Variants in RAB40C observed in about 807,000 individuals in gnomAD.
RAB40C encodes the protein ras-related protein Rab-40C.
RAB40C carries 8 observed loss-of-function variants against 28.1 expected under a neutral mutation model. The ratio of observed to expected loss-of-function variants is 0.28; its 90% CI spans 0.17 to 0.51. The LOEUF (loss-of-function observed/expected upper bound fraction) is 0.51. RAB40C is among the 20% of genes least tolerant of loss of function. The pLI is 0.97. For synonymous variants in RAB40C, 201 were observed against 171.7 expected (o/e 1.17, Z -1.34); for missense variants, 288 against 405.9 (o/e 0.71, Z 2.50).
chr16:625,332 G>T, intron 3 of RAB40C, 100 bp from the exon 4 acceptor site: 1 of 1,533,902 alleles, frequency 6.5e-7, no homozygotes. Flanking sequence ...AGCATCCTTG[G>T]CCCTGCCCGG....
intron 3 of RAB40C, chr16:624,349 T>C: frequency 1.0e-6 from 1 of 985,452 alleles, no homozygotes; most frequent in Non-Finnish European, 1.2e-6. Context: ...TGTGCATTTG[T>C]TTATTCTGAA....
chr16:607,356 A>G (rs1048017888), intron 1 of RAB40C, among the ~76,000 whole-genome samples: 1 of 151,836 alleles, frequency 6.6e-6, no homozygotes, highest in African/African-American at 2.4e-5. Flanking sequence ...AAAAAAAATT[A>G]GTTGGGCATG....
intron 1 of RAB40C, among the ~76,000 whole-genome samples, chr16:606,079 ACT>A (rs771041462): frequency 6.6e-6 from 1 of 151,824 alleles, no homozygotes; most frequent in Non-Finnish European, 1.5e-5. Flanking sequence ...TGGCCTTTCT[ACT>A]CCTTTTCTGT....
rs1351651506 is a variant in RAB40C at position 626,428 on chromosome 16, C to T, written c.565+307C>T. Among the ~76,000 whole-genome samples, 3 of 152,186 alleles carry T rather than the reference C, an allele frequency of 2.0e-5. No individual in the cohort carries two copies. The East Asian group carries it at 5.8e-4, about 29-fold the overall frequency. On this transcript the variant is annotated intron_variant, in intron 5 of 5. Transcript: ENST00000248139. ...GTGGGCAGTGTGTGCTCGCTCCTTC[C>T]TGGTTCCGGGGCTGGTCCTGCTGTC... is the stretch of plus-strand genomic sequence containing the variant.
intron 1 of RAB40C, among the ~76,000 whole-genome samples, chr16:598,117 C>T (rs2036172097): frequency 2.0e-5 from 3 of 151,882 alleles, no homozygotes; most frequent in African/African-American, 7.3e-5. Context: ...TGGTGGCTCA[C>T]GCTTGTAATC....
chr16:609,175 C>T (rs747330506), intron 1 of RAB40C, among the ~76,000 whole-genome samples: 5 of 152,088 alleles, frequency 3.3e-5, no homozygotes, highest in African/African-American at 7.2e-5. Flanking sequence ...TTGGGAACAG[C>T]GGTGCTGCCA....
At chr16:623,824 C>A in intron 3 of RAB40C, 3 of 374,458 alleles carry the variant, frequency 8.0e-6, no homozygotes, top group Non-Finnish European at 1.1e-5. Flanking sequence ...GTGGTTCACA[C>A]CTGTATTCCC....
chr16:627,106 G>A (rs1447228233), intron 5 of RAB40C, among the ~76,000 whole-genome samples: 3 of 152,222 alleles, frequency 2.0e-5, no homozygotes, highest in Non-Finnish European at 4.4e-5. Context: ...TGGAAGCCCC[G>A]CAGCAGCACC....
At chr16:615,202 A>T (rs568543939) in intron 1 of RAB40C, among the ~76,000 whole-genome samples, 1 of 152,162 alleles carries the variant, frequency 6.6e-6, no homozygotes, top group Non-Finnish European at 1.5e-5. Flanking sequence ...CTGTCCATTG[A>T]TGGTGTCCTT....
chr16:601,815 TAAAAAAAAAAAAAAAAA>T (rs60094426), intron 1 of RAB40C, among the ~76,000 whole-genome samples: 4 of 27,198 alleles, frequency 1.5e-4, no homozygotes, highest in African/African-American at 3.9e-4. Context: ...CAAAAAAAAG[TAAAAAAAAAAAAAAAAA>T]AAAAAAAAAA....
chr16:600,798 C>T (rs2036233308), intron 1 of RAB40C, among the ~76,000 whole-genome samples: 1 of 152,216 alleles, frequency 6.6e-6, no homozygotes, highest in South Asian at 2.1e-4. Flanking sequence ...GTCACACAGA[C>T]AGTTTAACAC....
At chr16:603,421 C>T (rs991225083) in intron 1 of RAB40C, among the ~76,000 whole-genome samples, 4 of 149,988 alleles carry the variant, frequency 2.7e-5, no homozygotes, top group African/African-American at 9.7e-5. Flanking sequence ...AGTGGTATGC[C>T]GGAAGATTGA....
intron 5 of RAB40C, among the ~76,000 whole-genome samples, chr16:626,613 A>T (rs2036841440): frequency 6.6e-6 from 1 of 152,032 alleles, no homozygotes; most frequent in Non-Finnish European, 1.5e-5. Context: ...GAACAGAGAG[A>T]GGGTGGCTGA....
intron 1 of RAB40C, among the ~76,000 whole-genome samples, chr16:591,419 C>T (rs758593679): frequency 1.3e-5 from 2 of 152,138 alleles, no homozygotes; most frequent in African/African-American, 2.4e-5. Flanking sequence ...GCAGGTGCTG[C>T]TGGGCTGCTC....
intron 1 of RAB40C, among the ~76,000 whole-genome samples, chr16:591,116 G>A (rs939171425): frequency 7.3e-5 from 11 of 150,890 alleles, no homozygotes; most frequent in Non-Finnish European, 3.0e-5. Flanking sequence ...ATCATCTGGG[G>A]TCCGAGGGAA....
At chr16:626,410 GTGTGT>G (rs1054826448) in intron 5 of RAB40C, among the ~76,000 whole-genome samples, 1 of 152,174 alleles carries the variant, frequency 6.6e-6, no homozygotes, top group Non-Finnish European at 1.5e-5. Flanking sequence ...GGTGTGGGCA[GTGTGT>G]GCTCGCTCCT....
chr16:617,450 CTG>C (rs1224626317), intron 2 of RAB40C, among the ~76,000 whole-genome samples, 182 bp downstream of exon 2: 4 of 152,342 alleles, frequency 2.6e-5, no homozygotes, highest in Admixed American at 6.5e-5. Context: ...GTCTGGGACA[CTG>C]TGTCCCTAGA....
intron 3 of RAB40C, among the ~76,000 whole-genome samples, chr16:622,578 G>A (rs1259076627): frequency 6.6e-6 from 1 of 152,194 alleles, no homozygotes. Flanking sequence ...CGCGATCTCG[G>A]CTCACTGCAA....
chr16:608,623 A>T (rs1272119619), intron 1 of RAB40C, among the ~76,000 whole-genome samples: 6 of 152,166 alleles, frequency 3.9e-5, no homozygotes, highest in Admixed American at 3.3e-4. Flanking sequence ...TAATCCCAGC[A>T]CTTTAGGAGG....
Sources: allele counts gnomAD v4.1 joint callset (sites outside exome capture counted in the v4.1 genomes callset), GRCh38; gene constraint gnomAD v4.1.1; transcripts MANE v1.5; gene names NCBI Gene and HGNC (gene_info 2026-07-23, HGNC 2026-07-21).